The following MAML3 variants were observed in gnomAD, a reference collection of about 807,000 sequenced individuals.
MAML3 encodes the protein mastermind-like protein 3.
MAML3 carries 27 observed loss-of-function variants against 101.9 expected under a neutral mutation model. That is an observed-to-expected ratio of 0.27 (90% CI 0.20 to 0.37). The LOEUF (loss-of-function observed/expected upper bound fraction) is 0.37. Ranked by LOEUF, MAML3 falls within the 10% of genes least tolerant of loss-of-function variation. The pLI is 1.00. For synonymous variants in MAML3, 501 were observed against 555.9 expected (o/e 0.90, Z 1.39); for missense variants, 1,316 against 1,444.9 (o/e 0.91, Z 1.45).
At chr4:140,057,559 T>C (rs114061290) in intron 1 of MAML3, among the ~76,000 whole-genome samples, 3,131 of 152,314 alleles carry the variant, frequency 0.021, 97 homozygotes, top group African/African-American at 0.073. Flanking sequence ...GGCACTTTTA[T>C]GGAAATCTTT....
chr4:139,732,676 G>C (rs1314756992), intron 2 of MAML3, among the ~76,000 whole-genome samples: 1 of 151,706 alleles, frequency 6.6e-6, no homozygotes, highest in East Asian at 1.9e-4. Flanking sequence ...GGTACAGGTG[G>C]TATTTGGTTA....
At chr4:139,969,830 C>T (rs998738770) in intron 1 of MAML3, among the ~76,000 whole-genome samples, 10 of 152,114 alleles carry the variant, frequency 6.6e-5, no homozygotes, top group African/African-American at 2.4e-4. Context: ...ACTATACCGG[C>T]GATTCCGCAC....
chr4:139,853,322 T>C lies in MAML3; in HGVS notation c.2079+36035A>G, dbSNP rs560055534. 2.0e-5 allele frequency among the ~76,000 whole-genome samples: 3 copies of C among 152,376 alleles called. No individual in the cohort carries two copies. In the East Asian group the frequency reaches 5.8e-4, roughly 29 times the overall value. ...GGTAAAAATCAAACTAAACTAACCC[T>C]GCTGGGGATGCTTGTATATATGTTC... On this transcript the variant is annotated intron_variant, in intron 2 of 4. Transcript: ENST00000509479.
chr4:140,020,368 A>T (rs940320042), intron 1 of MAML3, among the ~76,000 whole-genome samples: 5 of 152,118 alleles, frequency 3.3e-5, no homozygotes, highest in African/African-American at 1.2e-4. Flanking sequence ...AGTTTTCAGA[A>T]ATATATGAAA....
At chr4:139,932,846 A>G (rs1262930103) in intron 1 of MAML3, among the ~76,000 whole-genome samples, 1 of 152,204 alleles carries the variant, frequency 6.6e-6, no homozygotes, top group Non-Finnish European at 1.5e-5. Context: ...ACCAAATTCC[A>G]CAAGTTTTGT....
At chr4:140,038,757 G>C (rs778219335) in intron 1 of MAML3, among the ~76,000 whole-genome samples, 6 of 152,202 alleles carry the variant, frequency 3.9e-5, no homozygotes, top group Non-Finnish European at 8.8e-5. Flanking sequence ...GCACTTGCAA[G>C]CTCGGCTATT....
At chr4:139,838,845 T>C (rs922638512) in intron 2 of MAML3, among the ~76,000 whole-genome samples, 1 of 152,092 alleles carries the variant, frequency 6.6e-6, no homozygotes, top group Non-Finnish European at 1.5e-5. Context: ...AGATGTGGTG[T>C]CCTCCTCCCT....
At chr4:140,151,031 G>C (rs1478117236) in intron 1 of MAML3, among the ~76,000 whole-genome samples, 1 of 150,984 alleles carries the variant, frequency 6.6e-6, no homozygotes. Flanking sequence ...GCGGGGCGGG[G>C]ACAGCCGCGA....
intron 1 of MAML3, among the ~76,000 whole-genome samples, chr4:139,966,596 T>C (rs1446101415): frequency 6.6e-6 from 1 of 152,190 alleles, no homozygotes; most frequent in East Asian, 1.9e-4. Flanking sequence ...GAAAAGCCTT[T>C]TACTATCTTA....
chr4:139,947,726 G>A (rs970216408), intron 1 of MAML3, among the ~76,000 whole-genome samples: 7 of 152,056 alleles, frequency 4.6e-5, no homozygotes, highest in Non-Finnish European at 7.4e-5. Context: ...CCTCAGTTTC[G>A]ACAGCAGGAT....
intron 2 of MAML3, among the ~76,000 whole-genome samples, chr4:139,805,516 C>T (rs1402322205): frequency 1.3e-5 from 2 of 152,070 alleles, no homozygotes; most frequent in Non-Finnish European, 2.9e-5. Context: ...AATAATTAAA[C>T]ACTTGAGTTA....
rs190170241 is a variant in MAML3, at chr4:139,756,193, T to A, written c.2080-25526A>T. ...GCTACTTTGAACCTTCTAATCCCAATGTATTGGTTGTTTAGTATGCTTTGA... is the reference window on the plus strand; with the variant it reads ...GCTACTTTGAACCTTCTAATCCCAAAGTATTGGTTGTTTAGTATGCTTTGA... On this transcript the variant is annotated intron_variant, in intron 2 of 4. Coordinates refer to ENST00000509479, the MANE Select transcript of MAML3 (RefSeq NM_018717.5). Among the ~76,000 whole-genome samples the A allele has an allele frequency of 2.0e-5, 3 of 152,318 alleles. No homozygotes were observed. The East Asian group carries it at 5.8e-4, about 29-fold the overall frequency.
intron 2 of MAML3, among the ~76,000 whole-genome samples, chr4:139,760,720 G>A (rs968549171): frequency 1.3e-5 from 2 of 152,180 alleles, no homozygotes; most frequent in Admixed American, 1.3e-4. Flanking sequence ...CCCATCAGAA[G>A]CCATCTGGAA....
At chr4:140,138,543 T>C (rs1043960620) in intron 1 of MAML3, among the ~76,000 whole-genome samples, 38 of 152,290 alleles carry the variant, frequency 2.5e-4, no homozygotes, top group African/African-American at 8.4e-4. Flanking sequence ...AGTAAGAGAA[T>C]GTTACAACCC....
intron 1 of MAML3, among the ~76,000 whole-genome samples, chr4:140,149,678 TG>T (rs1729123192): frequency 6.6e-6 from 1 of 152,164 alleles, no homozygotes; most frequent in South Asian, 2.1e-4. Context: ...ATTATTTGGT[TG>T]TGGGTGATCA....
intron 1 of MAML3, among the ~76,000 whole-genome samples, chr4:140,025,857 C>G (rs1027587874): frequency 6.6e-6 from 1 of 152,182 alleles, no homozygotes; most frequent in Non-Finnish European, 1.5e-5. Context: ...GTTTAAAAAC[C>G]TCTCCCATGG....
At chr4:139,802,111 A>G (rs868038957) in intron 2 of MAML3, among the ~76,000 whole-genome samples, 9 of 152,124 alleles carry the variant, frequency 5.9e-5, no homozygotes, top group Non-Finnish European at 1.2e-4. Flanking sequence ...GAGTCTAGTG[A>G]AGGGGGAGAG....
intron 2 of MAML3, among the ~76,000 whole-genome samples, chr4:139,852,742 AC>A (rs1464939894): frequency 2.6e-5 from 4 of 152,094 alleles, no homozygotes; most frequent in Admixed American, 6.6e-5. Flanking sequence ...ATTGCATGGT[AC>A]TTTCTATGTT....
intron 1 of MAML3, among the ~76,000 whole-genome samples, chr4:139,893,437 A>C (rs1473957609): frequency 6.6e-6 from 1 of 152,110 alleles, no homozygotes; most frequent in East Asian, 1.9e-4. Flanking sequence ...CAGCTGCTTA[A>C]GTGTCTGTTT....
Sources: allele counts gnomAD v4.1 joint callset (sites outside exome capture counted in the v4.1 genomes callset), GRCh38; gene constraint gnomAD v4.1.1; transcripts MANE v1.5; gene names NCBI Gene and HGNC (gene_info 2026-07-23, HGNC 2026-07-21).